The following TRPM6 variants were observed in gnomAD, a reference collection of about 807,000 sequenced individuals.
TRPM6 encodes the protein channel kinase 2.
In TRPM6, 111 loss-of-function variants were observed where a neutral mutation model predicts 247.6. The ratio of observed to expected loss-of-function variants is 0.45; its 90% CI spans 0.38 to 0.52. The LOEUF is 0.52. TRPM6 is among the 20% of genes least tolerant of loss of function. The pLI is 0.00. For missense variants in TRPM6, 2,126 were observed against 2,421.5 expected (o/e 0.88, Z 2.56); for synonymous variants, 892 against 853.8 (o/e 1.04, Z -0.78).
chr9:74,846,443 T>G (rs192694886), intron 3 of TRPM6, among the ~76,000 whole-genome samples: 4 of 152,334 alleles, frequency 2.6e-5, no homozygotes, highest in Admixed American at 2.6e-4. Flanking sequence ...TTATATTGTT[T>G]TCTGGTATGA....
At chr9:74,863,018 G>GT (rs1830736104) in intron 1 of TRPM6, among the ~76,000 whole-genome samples, 2 of 151,730 alleles carry the variant, frequency 1.3e-5, no homozygotes, top group Non-Finnish European at 2.9e-5. Context: ...ATGAAACAAA[G>GT]TTTTTTTGTT....
At chr9:74,880,513 C>T (rs755586002) in intron 1 of TRPM6, among the ~76,000 whole-genome samples, 16 of 151,982 alleles carry the variant, frequency 1.1e-4, no homozygotes, top group Non-Finnish European at 1.9e-4. Flanking sequence ...ACTTTACAAG[C>T]CAGGAGAGAA....
Position 74,842,111 on chromosome 9 carries a change from C to T in TRPM6, c.330+55G>A, listed in dbSNP as rs562460240. 71 of 1,413,182 alleles carry T rather than the reference C, an allele frequency of 5.0e-5. No homozygotes were observed. The African/African-American group carries it at 7.0e-4, about 14-fold the overall frequency. The allele number at this position is 1,413,182 out of a possible 1,614,324, so 87.5% of individuals were successfully genotyped here. A position where few individuals can be genotyped will look rare whatever the true frequency, so the allele number is the denominator to read the frequency against. On this transcript the variant is annotated intron_variant, in intron 4 of 38. Transcript: ENST00000360774. The stretch of plus-strand genomic sequence containing the variant: ...GGGCAACAAGAGCAAAACCCCGTCT[C>T]GAAAAAAAAAAAAAAAGAAAGAAAC...
At chr9:74,791,503 T>TC (rs1564016299) in intron 19 of TRPM6, among the ~76,000 whole-genome samples, 2 of 150,876 alleles carry the variant, frequency 1.3e-5, no homozygotes, top group Non-Finnish European at 3.0e-5. Flanking sequence ...AAAAAATATT[T>TC]AAAAAAAAAG....
chr9:74,801,687 G>C (rs1194229185), intron 16 of TRPM6, among the ~76,000 whole-genome samples: 3 of 152,144 alleles, frequency 2.0e-5, no homozygotes, highest in Non-Finnish European at 4.4e-5. Flanking sequence ...AGCTGGACTA[G>C]AACCCAAGTC....
chr9:74,781,979 C>A (rs917069586), intron 23 of TRPM6, among the ~76,000 whole-genome samples: 1 of 152,126 alleles, frequency 6.6e-6, no homozygotes, highest in Non-Finnish European at 1.5e-5. Flanking sequence ...GTATAGCAAC[C>A]ATTTACATCG....
At position 74,858,701 on chromosome 9, in the gene TRPM6, G is replaced by A. The variant is rs1830603929; in HGVS notation, c.81C>T (p.Ser27=). Residue 27 remains serine, a synonymous_variant, in exon 2 of 39, where the codon AGC becomes AGT. Transcript: ENST00000360774. ...IKGVFDKREC[S]TIIPSSKNPH... ...GATTTTTTGAGCTGGGTATGATTGT[G>A]CTACATTCTCTCTTGTCAAATACTC... 2 of 1,613,428 alleles carry A rather than the reference G, an allele frequency of 1.2e-6. No individual in the cohort carries two copies. Among genetic ancestry groups the A allele is most frequent in the Non-Finnish European group, 1.7e-6 (2 of 1,179,756 alleles).
chr9:74,823,619 T>G (rs1250452124), intron 7 of TRPM6, among the ~76,000 whole-genome samples: 1 of 152,074 alleles, frequency 6.6e-6, no homozygotes, highest in Non-Finnish European at 1.5e-5. Flanking sequence ...ATGTACCAAC[T>G]AATAGACATA....
chr9:74,823,486 A>G (rs1163015421), intron 7 of TRPM6, among the ~76,000 whole-genome samples: 1 of 152,112 alleles, frequency 6.6e-6, no homozygotes, highest in East Asian at 1.9e-4. Flanking sequence ...AATGTTAGGG[A>G]TGGGTCAGTT....
intron 1 of TRPM6, among the ~76,000 whole-genome samples, chr9:74,864,870 G>A (rs757287918): frequency 7.9e-5 from 12 of 151,998 alleles, no homozygotes; most frequent in African/African-American, 2.9e-4. Flanking sequence ...TCAGGAGTTC[G>A]AGACCAGCCT....
At chr9:74,858,880 G>A in intron 1 of TRPM6, 132 bp from the exon 2 acceptor site, 1 of 680,446 alleles carries the variant, frequency 1.5e-6, no homozygotes, top group Non-Finnish European at 2.5e-6. Flanking sequence ...CCCCACACAG[G>A]CTAAGCATTT....
intron 14 of TRPM6, among the ~76,000 whole-genome samples, chr9:74,806,279 G>GTATT (rs60032253): frequency 0.059 from 8,888 of 150,754 alleles, 838 homozygotes; most frequent in African/African-American, 0.2. Context: ...AAAATTTATT[G>GTATT]TATTTATTTA....
At chr9:74,857,923 T>A (rs1332517231) in intron 2 of TRPM6, 1 of 152,212 alleles carries the variant, frequency 6.6e-6, no homozygotes, top group African/African-American at 2.4e-5. Context: ...ATATTCAGTA[T>A]TCAGAAAATG....
intron 33 of TRPM6, among the ~76,000 whole-genome samples, chr9:74,741,973 G>T (rs2118747357): frequency 6.6e-6 from 1 of 152,244 alleles, no homozygotes; most frequent in East Asian, 1.9e-4. Context: ...AGTGTGAGAA[G>T]AATCAAGATC....
chr9:74,869,411 G>A (rs7039936), intron 1 of TRPM6, among the ~76,000 whole-genome samples: 1,490 of 148,384 alleles, frequency 0.01, 23 homozygotes, highest in African/African-American at 0.035. Context: ...CGGAGGTAAC[G>A]CCACTGCACT....
intron 1 of TRPM6, among the ~76,000 whole-genome samples, chr9:74,876,634 T>C (rs531584679): frequency 1.3e-5 from 2 of 152,328 alleles, no homozygotes; most frequent in Admixed American, 1.3e-4. Flanking sequence ...CACTTTACTA[T>C]CGCTTACCCA....
At chr9:74,733,785 C>T (rs1034682565) in intron 36 of TRPM6, among the ~76,000 whole-genome samples, 4 of 151,608 alleles carry the variant, frequency 2.6e-5, no homozygotes, top group Non-Finnish European at 4.4e-5. Flanking sequence ...CTCCATCTCC[C>T]GACCTTAGAT....
At chr9:74,788,889 C>A in intron 19 of TRPM6, 147 bp from the exon 20 acceptor site, 2 of 899,548 alleles carry the variant, frequency 2.2e-6, no homozygotes, top group South Asian at 1.4e-5. Flanking sequence ...TTATTGATGA[C>A]CTACTATCAA....
intron 1 of TRPM6, among the ~76,000 whole-genome samples, chr9:74,886,377 T>C (rs180986911): frequency 6.7e-4 from 102 of 152,292 alleles, no homozygotes; most frequent in African/African-American, 2.2e-3. Flanking sequence ...AACATCAAAA[T>C]CTGTATACAG....
Sources: allele counts gnomAD v4.1 joint callset (sites outside exome capture counted in the v4.1 genomes callset), GRCh38; gene constraint gnomAD v4.1.1; transcripts MANE v1.5; gene names NCBI Gene and HGNC (gene_info 2026-07-23, HGNC 2026-07-21).